The following TMEM131L variants were observed in gnomAD, a reference collection of about 807,000 sequenced individuals.
The protein encoded by TMEM131L is transmembrane protein 131-like.
A neutral mutation model predicts 192.2 loss-of-function variants in TMEM131L; 54 were observed. That is an observed-to-expected ratio of 0.28 (90% CI 0.23 to 0.35). TMEM131L has a LOEUF of 0.35. Ranked by LOEUF, TMEM131L falls within the 10% of genes least tolerant of loss-of-function variation. The probability of loss-of-function intolerance (pLI) is 1.00; values close to 1 mark genes in which losing one functional copy is unlikely to be tolerated. For synonymous variants in TMEM131L, 701 were observed against 704.9 expected (o/e 0.99, Z 0.09); for missense variants, 1,888 against 1,972.9 (o/e 0.96, Z 0.82).
At chr4:153,489,477 G>A (rs1472895543) in intron 3 of TMEM131L, among the ~76,000 whole-genome samples, 1 of 152,128 alleles carries the variant, frequency 6.6e-6, no homozygotes, top group Non-Finnish European at 1.5e-5. Context: ...TGAGCACTGG[G>A]GAGAAGTATT....
At chr4:153,529,305 A>C (rs1735725578) in intron 3 of TMEM131L, among the ~76,000 whole-genome samples, 1 of 152,228 alleles carries the variant, frequency 6.6e-6, no homozygotes, top group African/African-American at 2.4e-5. Flanking sequence ...TAAAATGTAG[A>C]TGGGATGGAA....
At chr4:153,612,207 G>T in intron 25 of TMEM131L, 45 bp from the exon 26 acceptor site, 2 of 1,414,690 alleles carry the variant, frequency 1.4e-6, no homozygotes, top group Non-Finnish European at 1.9e-6. Flanking sequence ...GGGAATGTGA[G>T]TGGAAACTAT....
At chr4:153,488,451 G>T (rs1397769206) in intron 3 of TMEM131L, among the ~76,000 whole-genome samples, 1 of 152,150 alleles carries the variant, frequency 6.6e-6, no homozygotes, top group Non-Finnish European at 1.5e-5. Context: ...GCCCAGAGGA[G>T]GCAGCCGGGA....
At chr4:153,541,793 G>C (rs569229343) in intron 3 of TMEM131L, among the ~76,000 whole-genome samples, 1 of 152,256 alleles carries the variant, frequency 6.6e-6, no homozygotes, top group Non-Finnish European at 1.5e-5. Context: ...TTAGCAGCTA[G>C]AGCCACAGCC....
chr4:153,536,425 G>A (rs1241862022), intron 3 of TMEM131L, among the ~76,000 whole-genome samples: 1 of 152,242 alleles, frequency 6.6e-6, no homozygotes, highest in Non-Finnish European at 1.5e-5. Flanking sequence ...TCCCTGAGCT[G>A]AATTGAAAGG....
chr4:153,620,996 T>G (rs1401882812), intron 27 of TMEM131L, 116 bp downstream of exon 27: 2 of 692,870 alleles, frequency 2.9e-6, no homozygotes, highest in Non-Finnish European at 4.9e-6. Flanking sequence ...AATATGAGAG[T>G]GTAAATGTTT....
chr4:153,617,987 CAA>C (rs941303401), intron 26 of TMEM131L, among the ~76,000 whole-genome samples: 1 of 151,230 alleles, frequency 6.6e-6, no homozygotes, highest in Non-Finnish European at 1.5e-5. Context: ...TCAACTCTAT[CAA>C]ATATTGTGTA....
In TMEM131L at chr4:153,612,234, T is replaced by G; in HGVS notation, c.3419-18T>G. The G allele has an allele frequency of 6.7e-7, 1 of 1,500,400 alleles. No homozygotes were observed. The highest frequency in any genetic ancestry group is 8.9e-7 in the Non-Finnish European group (1 of 1,126,976). 92.9% of individuals were successfully genotyped at this position (1,500,400 alleles called of 1,614,324 possible). On this transcript the variant is annotated intron_variant, in intron 25 of 34. Transcript: ENST00000409959. Reference sequence around the variant, plus strand: ...GGAAACTATTAGCTAGAAATTGAATTGTTTTTGTTTATTAAAGGGAATAAC... The same window carrying G: ...GGAAACTATTAGCTAGAAATTGAATGGTTTTTGTTTATTAAAGGGAATAAC...
intron 7 of TMEM131L, among the ~76,000 whole-genome samples, chr4:153,577,501 C>G (rs926674272): frequency 2.6e-5 from 4 of 152,120 alleles, no homozygotes; most frequent in African/African-American, 9.7e-5. Flanking sequence ...TGCAAGTACT[C>G]AACTCTGCTA....
chr4:153,543,885 C>A (rs1039770815), intron 3 of TMEM131L, among the ~76,000 whole-genome samples: 4 of 151,996 alleles, frequency 2.6e-5, no homozygotes, highest in African/African-American at 9.7e-5. Context: ...GAGAACAGCC[C>A]AGTAAGTGTC....
chr4:153,503,512 A>G (rs541966432), intron 3 of TMEM131L, among the ~76,000 whole-genome samples: 29 of 152,332 alleles, frequency 1.9e-4, no homozygotes, highest in Admixed American at 3.9e-4. Context: ...TAACTAAGAT[A>G]TTTTGAAAAA....
At position 153,626,041 on chromosome 4, in the gene TMEM131L, A is replaced by C. The variant is rs187356600; in HGVS notation, c.4046-106A>C. ...GTGAGAATATCAGTTTAAAGTGAAA[A>C]ATCAGTCATGCATTAATGATATTAA... On this transcript the variant is annotated intron_variant, in intron 29 of 34. Transcript: ENST00000409959. The C allele has an allele frequency of 6.4e-3, 4,155 of 646,820 alleles. 27 individuals carry two copies. Among genetic ancestry groups the C allele is most frequent in the Middle Eastern group, 0.034 (126 of 3,736 alleles). The allele number at this position is 646,820 out of a possible 1,614,324, so 40.1% of individuals were successfully genotyped here. A position where few individuals can be genotyped will look rare whatever the true frequency, so the allele number is the denominator to read the frequency against.
rs749302310 is a variant in TMEM131L at position 153,602,634 on chromosome 4, C to T, written c.2546C>T (p.Thr849Ile). The T allele has an allele frequency of 1.2e-6, 2 of 1,614,128 alleles. No homozygotes were observed. Among genetic ancestry groups the T allele is most frequent in the Middle Eastern group, 3.3e-4 (2 of 6,062 alleles). ...DLEFRFTLNV[T>I]LPHHLLPLCA... ...GAATTTCGCTTCACTCTCAATGTGA[C>T]TCTCCCTCATCACCTGTTGCCCTTG... is the stretch of plus-strand genomic sequence containing the variant. Residue 849 changes from threonine to isoleucine, a missense_variant, in exon 23 of 35, where the codon ACT (threonine) becomes ATT (isoleucine). Transcript: ENST00000409959.
chr4:153,597,505 CT>C (rs1218770857), intron 20 of TMEM131L, among the ~76,000 whole-genome samples: 9 of 152,076 alleles, frequency 5.9e-5, no homozygotes, highest in Non-Finnish European at 8.8e-5. Flanking sequence ...TTAATAAAGG[CT>C]TTTTAATCCT....
intron 27 of TMEM131L, 89 bp downstream of exon 27, chr4:153,620,969 T>C: frequency 1.1e-6 from 1 of 889,050 alleles, no homozygotes; most frequent in South Asian, 1.6e-5. Flanking sequence ...CTTATTTCGG[T>C]GATATTAGAT....
Position 153,467,267 on chromosome 4 carries a change from C to T in TMEM131L, c.181C>T (p.Leu61=). Residue 61 remains leucine (L), a synonymous_variant, in exon 2 of 35, where the codon CTG becomes TTG. Transcript: ENST00000409959. The part of the protein sequence containing the change: ...ELWQAEEGEL[L]LPTQGDSEEG... ...GTGGCAGGCAGAAGAAGGGGAACTC[C>T]TGCTGCCCACTCAGGTGAGGACGAC... The T allele has an allele frequency of 1.3e-6, 2 of 1,551,696 alleles. No individual in the cohort carries two copies. Among genetic ancestry groups the T allele is most frequent in the Non-Finnish European group, 1.7e-6 (2 of 1,146,954 alleles).
intron 3 of TMEM131L, among the ~76,000 whole-genome samples, chr4:153,528,220 A>T (rs1735640411): frequency 6.6e-6 from 1 of 152,230 alleles, no homozygotes; most frequent in South Asian, 2.1e-4. Flanking sequence ...AAAAATGGAA[A>T]CTTATTGATA....
At chr4:153,575,489 A>G (rs988740337) in intron 7 of TMEM131L, among the ~76,000 whole-genome samples, 2 of 152,210 alleles carry the variant, frequency 1.3e-5, no homozygotes, top group African/African-American at 2.4e-5. Context: ...AATTTGTTAA[A>G]AAAGTACTGA....
rs552408934 is a variant in TMEM131L at position 153,621,804 on chromosome 4, G to C, written c.3814G>C (p.Asp1272His). The change falls in exon 28 of 35, where the codon GAT (aspartate) becomes CAT (histidine). Residue 1272 changes from aspartate to histidine, a missense_variant. Asp to His is a moderately conservative substitution (Grantham distance 81). Coordinates refer to ENST00000409959, the MANE Select transcript of TMEM131L (RefSeq NM_001131007.2). ...QESTREVCKA[D>H]AEIASSLPAA... is the part of the protein sequence containing the mutation. The stretch of plus-strand genomic sequence containing the variant: ...AAGCACTAGGGAGGTTTGTAAAGCA[G>C]ATGCCGAAATTGCAAGCAGTTTACC... 6.2e-7 allele frequency: 1 copy of C among 1,614,194 alleles called. No individual in the cohort carries two copies. The highest frequency in any genetic ancestry group is 1.1e-5 in the South Asian group (1 of 91,078).
Sources: allele counts gnomAD v4.1 joint callset (sites outside exome capture counted in the v4.1 genomes callset), GRCh38; gene constraint gnomAD v4.1.1; transcripts MANE v1.5; gene names NCBI Gene and HGNC (gene_info 2026-07-23, HGNC 2026-07-21).